TNFAIP3: variants seen among roughly 807,000 people sequenced by gnomAD.
TNFAIP3 encodes TNF alpha induced protein 3.
Under a neutral mutation model 72.4 loss-of-function variants are expected in TNFAIP3, and 9 were observed. The ratio of observed to expected loss-of-function variants is 0.12; its 90% CI spans 0.07 to 0.22. TNFAIP3 has a LOEUF of 0.22. TNFAIP3 is among the 10% of genes least tolerant of loss of function. The pLI is 1.00. For synonymous variants in TNFAIP3, 339 were observed against 372.6 expected (o/e 0.91, Z 1.04); for missense variants, 833 against 1,018.7 (o/e 0.82, Z 2.48).
At position 137,871,406 on chromosome 6, in the gene TNFAIP3, T is replaced by A; in HGVS notation, c.179T>A (p.Phe60Tyr). The A allele has an allele frequency of 6.2e-7, 1 of 1,614,192 alleles. No individual in the cohort carries two copies. Among genetic ancestry groups the A allele is most frequent in the Non-Finnish European group, 8.5e-7 (1 of 1,180,034 alleles). ...AGAACTTGCCAGTTTTGTCCTCAGT[T>A]TCGGGAGATCATCCACAAAGCCCTC... ...MFRTCQFCPQ[F>Y]REIIHKALID... The change falls in exon 2 of 9, where the codon TTT becomes TAT. Residue 60 changes from phenylalanine (F) to tyrosine (Y), a missense_variant. Physicochemically the swap from Phe to Tyr is conservative, Grantham distance 22. This residue lies in a region of TNFAIP3 where 246 missense variants were observed against 360.9 expected (regional missense o/e 0.68). Coordinates refer to ENST00000612899, the MANE Select transcript of TNFAIP3 (RefSeq NM_001270508.2). This position sits in a 1 kb window ranked among gnomAD's most constrained non-coding sequence, Gnocchi z 4.2.
intron 2 of TNFAIP3, among the ~76,000 whole-genome samples, chr6:137,872,476 CTTGTTGACAAGGATTACGA>C (rs912328744): frequency 1.3e-5 from 2 of 152,150 alleles, no homozygotes; most frequent in African/African-American, 4.8e-5. Context: ...GCAGAAAATC[CTTGTTGACAAGGATTACGA>C]TAAGAACACT....
chr6:137,876,133 G>A lies in TNFAIP3; in HGVS notation c.772G>A (p.Val258Ile), dbSNP rs140951984. The A allele has an allele frequency of 2.2e-5, 36 of 1,613,916 alleles. No homozygotes were observed. Among genetic ancestry groups the A allele is most frequent in the South Asian group, 3.3e-5 (3 of 91,076 alleles). The change falls in exon 5 of 9, where the codon GTA becomes ATA. Residue 258 changes from valine (V) to isoleucine (I), a missense_variant. Val to Ile is a conservative substitution (Grantham distance 29, BLOSUM62 3). Transcript: ENST00000612899. ...IVLGYDSHHF[V>I]PLVTLKDSGP... ...TCTCGGCTATGACAGCCATCATTTT[G>A]TACCCTTGGTGACCCTGAAGGACAG...
At position 137,879,086 on chromosome 6, in the gene TNFAIP3, C is replaced by T. The variant is rs1397497991; in HGVS notation, c.1641C>T (p.Ala547=). Residue 547 remains alanine, a synonymous_variant, in exon 7 of 9, where the codon GCC becomes GCT. Transcript: ENST00000612899. ...STCFKRTTAE[A]SSSLSTSLPP... ...GCTTCAAAAGGACTACAGCAGAGGC[C>T]TCCTCCAGCCTCAGCACCAGCCTCC... 1.2e-6 allele frequency: 2 copies of T among 1,614,190 alleles called. No individual in the cohort carries two copies. The highest frequency in any genetic ancestry group is 3.3e-5 in the Admixed American group (2 of 60,020).
chr6:137,878,568 C>T lies in TNFAIP3; in HGVS notation c.1123C>T (p.Pro375Ser). Reference protein sequence around the residue: ...REGHAQNPMEPSVPQLSLMDV... With the variant: ...REGHAQNPMESSVPQLSLMDV... ...GGGGCACGCCCAGAATCCCATGGAA[C>T]CTTCCGTGCCCCAGCTTTCTCTCAT... The change falls in exon 7 of 9, where the codon CCT becomes TCT. Residue 375 changes from proline (P) to serine (S), a missense_variant. By Grantham distance (74) the Pro-to-Ser change is moderately conservative (BLOSUM62 -1). Transcript: ENST00000612899. The T allele has an allele frequency of 1.2e-6, 2 of 1,614,246 alleles. No individual in the cohort carries two copies. The highest frequency in any genetic ancestry group is 1.7e-6 in the Non-Finnish European group (2 of 1,180,040).
Position 137,881,565 on chromosome 6 carries a change from G to T in TNFAIP3, c.*246G>T, listed in dbSNP as rs1230756025. Reference sequence around the variant, plus strand: ...GGGATGATGTCAGATTCAGCCCAAGGTTCCTCCTCTCCTACCAAGCAGGAG... The same window carrying T: ...GGGATGATGTCAGATTCAGCCCAAGTTTCCTCCTCTCCTACCAAGCAGGAG... On this transcript the variant is annotated 3_prime_UTR_variant, in exon 9 of 9. Transcript: ENST00000612899. This position sits in a 1 kb window ranked among gnomAD's most constrained non-coding sequence, Gnocchi z 5.0. 2.4e-6 allele frequency: 1 copy of T among 421,610 alleles called. No homozygotes were observed. 26.1% of individuals were successfully genotyped at this position (421,610 alleles called of 1,614,324 possible). A position where few individuals can be genotyped will look rare whatever the true frequency, so the allele number is the denominator to read the frequency against.
At chr6:137,866,972 G>A (rs1342393653), upstream of TNFAIP3, 2 of 151,994 alleles carry the variant, frequency 1.3e-5, no homozygotes, top group East Asian at 3.8e-4. Context: ...GAAATGCCCA[G>A]GTGACTCACG....
chr6:137,871,276 A>G lies in TNFAIP3; in HGVS notation c.49A>G (p.Lys17Glu). The G allele has an allele frequency of 6.2e-7, 1 of 1,614,044 alleles. No homozygotes were observed. Among genetic ancestry groups the G allele is most frequent in the Non-Finnish European group, 8.5e-7 (1 of 1,180,006 alleles). The change falls in exon 2 of 9, where the codon AAA (lysine) becomes GAA (glutamate). Residue 17 changes from lysine to glutamate, a missense_variant. Coordinates refer to ENST00000612899, the MANE Select transcript of TNFAIP3 (RefSeq NM_001270508.2). The surrounding 1 kb of genome is among the most constrained non-coding windows in gnomAD (Gnocchi z 4.2). ...PQALYLSNMR[K>E]AVKIRERTPE... Reference sequence around the variant, plus strand: ...GGCTTTGTATTTGAGCAATATGCGGAAAGCTGTGAAGATACGGGAGAGAAC... The same window carrying G: ...GGCTTTGTATTTGAGCAATATGCGGGAAGCTGTGAAGATACGGGAGAGAAC...
At position 137,871,696 on chromosome 6, in the gene TNFAIP3, T is replaced by G. The variant is rs1205053046; in HGVS notation, c.295+174T>G. Reference sequence around the variant, plus strand: ...GTATGTGATAATAGCAGACTTGTTTTGTGAATCTATTTATTAAGGATATTT... The same window carrying G: ...GTATGTGATAATAGCAGACTTGTTTGGTGAATCTATTTATTAAGGATATTT... On this transcript the variant is annotated intron_variant, in intron 2 of 8. Transcript: ENST00000612899. The surrounding 1 kb of genome is among the most constrained non-coding windows in gnomAD (Gnocchi z 4.2). 2.0e-5 allele frequency among the ~76,000 whole-genome samples: 3 copies of G among 152,228 alleles called. No homozygotes were observed. Among genetic ancestry groups the G allele is most frequent in the African/African-American group, 7.2e-5 (3 of 41,452 alleles).
intron 2 of TNFAIP3, among the ~76,000 whole-genome samples, chr6:137,874,003 A>G (rs1776146344): frequency 6.6e-6 from 1 of 152,202 alleles, no homozygotes; most frequent in African/African-American, 2.4e-5. Context: ...CAAAATATTT[A>G]TCGTTTGGGG....
chr6:137,875,538 A>C, intron 3 of TNFAIP3, 150 bp from the exon 4 acceptor site: 1 of 1,073,280 alleles, frequency 9.3e-7, no homozygotes. Context: ...ATGGGGAAAA[A>C]AGGGTGATCA....
At chr6:137,880,283 C>G (rs1224212350) in intron 8 of TNFAIP3, 31 bp downstream of exon 8, 1 of 1,610,678 alleles carries the variant, frequency 6.2e-7, no homozygotes, top group Admixed American at 1.7e-5. Context: ...TTCCCTCCCT[C>G]CCGTGTGTTC....
chr6:137,870,158 G>A (rs534631950), intron 1 of TNFAIP3, among the ~76,000 whole-genome samples: 2 of 152,324 alleles, frequency 1.3e-5, no homozygotes, highest in East Asian at 3.9e-4. Flanking sequence ...AAGCCAGGCA[G>A]ACTTGCCTCT....
chr6:137,876,670 T>A (rs1263286364), intron 5 of TNFAIP3, among the ~76,000 whole-genome samples: 1 of 152,188 alleles, frequency 6.6e-6, no homozygotes. Flanking sequence ...TTTTACTGCA[T>A]TTTTATCCTT....
rs200583935 is a variant in TNFAIP3, at chr6:137,877,099, A to G, written c.829A>G (p.Asn277Asp). The G allele has an allele frequency of 1.3e-4, 208 of 1,610,010 alleles. No individual in the cohort carries two copies. Among genetic ancestry groups the G allele is most frequent in the Non-Finnish European group, 1.3e-5 (15 of 1,178,324 alleles). Residue 277 changes from asparagine to aspartate, a missense_variant, in exon 6 of 9, where the codon AAC (asparagine) becomes GAC (aspartate). Physicochemically the swap from Asn to Asp is conservative, Grantham distance 23. Coordinates refer to ENST00000612899, the MANE Select transcript of TNFAIP3 (RefSeq NM_001270508.2). ...AGAAATCCGAGCTGTTCCACTTGTT[A>G]ACAGAGACCGGGGAAGATTTGAAGA... ...GPEIRAVPLVNRDRGRFEDLK... is the reference protein window; with the variant it reads ...GPEIRAVPLVDRDRGRFEDLK...
At chr6:137,880,927 C>T in intron 8 of TNFAIP3, 108 bp from the exon 9 acceptor site, 1 of 1,244,350 alleles carries the variant, frequency 8.0e-7, no homozygotes, top group Non-Finnish European at 1.1e-6. Flanking sequence ...GCAGGTAAAG[C>T]TCTTTGTAGA....
chr6:137,877,784 T>G (rs1310427987), intron 6 of TNFAIP3, among the ~76,000 whole-genome samples: 2 of 152,198 alleles, frequency 1.3e-5, no homozygotes, highest in African/African-American at 4.8e-5. Flanking sequence ...AAACATTGGC[T>G]TTATGTTAAA....
In TNFAIP3 at chr6:137,880,095, T is replaced by C; in HGVS notation, c.1931T>C (p.Val644Ala). 6.2e-7 allele frequency: 1 copy of C among 1,614,156 alleles called. No individual in the cohort carries two copies. Among genetic ancestry groups the C allele is most frequent in the Non-Finnish European group, 8.5e-7 (1 of 1,180,020 alleles). Residue 644 changes from valine to alanine, a missense_variant, in exon 8 of 9, where the codon GTC (valine) becomes GCC (alanine). This residue lies in a region of TNFAIP3 where 587 missense variants were observed against 657.8 expected (regional missense o/e 0.89). Transcript: ENST00000612899. Reference sequence around the variant, plus strand: ...GATTTTGCTGCTGCCTCAGGGAAAGTCAGTCCCACAGCGTCCAGGTTCCAG... The same window carrying C: ...GATTTTGCTGCTGCCTCAGGGAAAGCCAGTCCCACAGCGTCCAGGTTCCAG... ...NKHFAAASGK[V>A]SPTASRFQNT...
chr6:137,881,477 T>A lies in TNFAIP3; in HGVS notation c.*158T>A. On this transcript the variant is annotated 3_prime_UTR_variant, in exon 9 of 9. Transcript: ENST00000612899. This position sits in a 1 kb window ranked among gnomAD's most constrained non-coding sequence, Gnocchi z 5.0. ...AAGCTCTTCGTGGTGCCCACGATGCTCAGGTTTGGTAACCCGGGAGTGTTC... is the reference window on the plus strand; with the variant it reads ...AAGCTCTTCGTGGTGCCCACGATGCACAGGTTTGGTAACCCGGGAGTGTTC... 1 of 625,320 alleles carries A rather than the reference T, an allele frequency of 1.6e-6. No individual in the cohort carries two copies. Among genetic ancestry groups the A allele is most frequent in the Non-Finnish European group, 2.6e-6 (1 of 388,014 alleles). 38.7% of individuals were successfully genotyped at this position (625,320 alleles called of 1,614,324 possible). A position where few individuals can be genotyped will look rare whatever the true frequency, so the allele number is the denominator to read the frequency against.
chr6:137,871,375 A>G lies in TNFAIP3; in HGVS notation c.148A>G (p.Met50Val). The G allele has an allele frequency of 6.2e-7, 1 of 1,614,222 alleles. No individual in the cohort carries two copies. The highest frequency in any genetic ancestry group is 8.5e-7 in the Non-Finnish European group (1 of 1,180,034). ...FKTMHRYTLEMFRTCQFCPQF... is the reference protein window; with the variant it reads ...FKTMHRYTLEVFRTCQFCPQF... The stretch of plus-strand genomic sequence containing the variant: ...AACCATGCACCGATACACACTGGAA[A>G]TGTTCAGAACTTGCCAGTTTTGTCC... Residue 50 changes from methionine (M) to valine (V), a missense_variant, in exon 2 of 9, where the codon ATG becomes GTG. By Grantham distance (21) the Met-to-Val change is conservative. Transcript: ENST00000612899. The surrounding 1 kb of genome is among the most constrained non-coding windows in gnomAD (Gnocchi z 4.2).
Sources: allele counts gnomAD v4.1 joint callset (sites outside exome capture counted in the v4.1 genomes callset), GRCh38; gene constraint gnomAD v4.1.1; regional missense constraint gnomAD v4.1.1; non-coding constraint Gnocchi (gnomAD v3.1); transcripts MANE v1.5; gene names NCBI Gene and HGNC (gene_info 2026-07-23, HGNC 2026-07-21).